The following PTPRN2 variants were observed in gnomAD, a reference collection of about 807,000 sequenced individuals.
The protein encoded by PTPRN2 is receptor-type tyrosine-protein phosphatase N2.
Under a neutral mutation model 118.8 loss-of-function variants are expected in PTPRN2, and 74 were observed. The ratio of observed to expected loss-of-function variants is 0.62; its 90% CI spans 0.52 to 0.76. The LOEUF is 0.76. Among genes scored for constraint, PTPRN2 ranks in the 30% least tolerant of loss-of-function variants. The probability of loss-of-function intolerance (pLI) is 0.00; values close to 1 mark genes in which losing one functional copy is unlikely to be tolerated. For synonymous variants in PTPRN2, 641 were observed against 608.0 expected (o/e 1.05, Z -0.80); for missense variants, 1,481 against 1,394.4 (o/e 1.06, Z -0.99).
chr7:157,904,678 A>C (rs1173310524), intron 11 of PTPRN2, among the ~76,000 whole-genome samples: 1 of 152,212 alleles, frequency 6.6e-6, no homozygotes, highest in Non-Finnish European at 1.5e-5. Flanking sequence ...AGCTGACTTC[A>C]CGCGGCCCTG....
chr7:158,127,110 G>T (rs1301751695), intron 9 of PTPRN2, among the ~76,000 whole-genome samples: 1 of 152,214 alleles, frequency 6.6e-6, no homozygotes, highest in Non-Finnish European at 1.5e-5. Context: ...CATCGGAGAG[G>T]TCAACGCCGC....
chr7:158,450,805 C>A (rs1328965522), intron 2 of PTPRN2, among the ~76,000 whole-genome samples: 1 of 152,252 alleles, frequency 6.6e-6, no homozygotes, highest in African/African-American at 2.4e-5. Flanking sequence ...ATGCCACCTA[C>A]GCGCTTCCTT....
rs1217875911 is a variant in PTPRN2, at chr7:157,656,564, G to T, written c.2002-13C>A. Reference sequence around the variant, plus strand: ...GGCGGCACAGCTCCTGCAGGACAGGGGGAGGAAGAGCAGGGGGTTAGTGGC... The same window carrying T: ...GGCGGCACAGCTCCTGCAGGACAGGTGGAGGAAGAGCAGGGGGTTAGTGGC... On this transcript the variant is annotated splice_polypyrimidine_tract_variant and intron_variant, in intron 13 of 22. Coordinates refer to ENST00000389418, the MANE Select transcript of PTPRN2 (RefSeq NM_002847.5). 5 of 1,527,380 alleles carry T rather than the reference G, an allele frequency of 3.3e-6. No individual in the cohort carries two copies. The highest frequency in any genetic ancestry group is 1.4e-5 in the African/African-American group (1 of 72,918). The allele number at this position is 1,527,380 out of a possible 1,614,324, so 94.6% of individuals were successfully genotyped here.
intron 10 of PTPRN2, among the ~76,000 whole-genome samples, chr7:158,110,450 C>T (rs1172741477): frequency 1.3e-5 from 2 of 152,166 alleles, no homozygotes; most frequent in East Asian, 3.9e-4. Context: ...TTCCTGACAG[C>T]CAGGGACAGG....
At chr7:158,422,683 C>T (rs868623308) in intron 2 of PTPRN2, among the ~76,000 whole-genome samples, 3 of 151,402 alleles carry the variant, frequency 2.0e-5, no homozygotes, top group Admixed American at 6.6e-5. Flanking sequence ...CTGACGCTGC[C>T]GGCTTCTGGG....
intron 2 of PTPRN2, among the ~76,000 whole-genome samples, chr7:158,353,733 C>A (rs1240595919): frequency 1.3e-5 from 2 of 152,192 alleles, no homozygotes; most frequent in Admixed American, 1.3e-4. Flanking sequence ...AGGCCCCTCC[C>A]CATAACCTGC....
chr7:158,199,823 C>G (rs1165097966), intron 4 of PTPRN2, among the ~76,000 whole-genome samples: 3 of 152,130 alleles, frequency 2.0e-5, no homozygotes, highest in Non-Finnish European at 4.4e-5. Flanking sequence ...ACTAGGGGAG[C>G]CTGGTTAGAA....
chr7:157,804,460 T>C (rs1298852919), intron 12 of PTPRN2, among the ~76,000 whole-genome samples: 1 of 152,174 alleles, frequency 6.6e-6, no homozygotes, highest in Non-Finnish European at 1.5e-5. Context: ...GCTTCCATTC[T>C]GTAACCATGC....
intron 6 of PTPRN2, among the ~76,000 whole-genome samples, chr7:158,149,341 A>T (rs563360956): frequency 6.6e-6 from 1 of 152,326 alleles, no homozygotes; most frequent in East Asian, 1.9e-4. Flanking sequence ...ACCCCTGGAA[A>T]TTAACAACTA....
chr7:158,217,149 C>T (rs1828010225), intron 3 of PTPRN2, among the ~76,000 whole-genome samples: 1 of 152,192 alleles, frequency 6.6e-6, no homozygotes, highest in Admixed American at 6.5e-5. Flanking sequence ...CCCCACCCAC[C>T]CTGCCAGGGC....
chr7:158,247,279 G>A (rs1037229527), intron 3 of PTPRN2, among the ~76,000 whole-genome samples: 8 of 152,234 alleles, frequency 5.3e-5, no homozygotes, highest in South Asian at 4.1e-4. Flanking sequence ...GGGGGCAGGC[G>A]CCAGGATCTG....
At chr7:158,183,508 G>A (rs183740504) in intron 5 of PTPRN2, among the ~76,000 whole-genome samples, 14 of 152,294 alleles carry the variant, frequency 9.2e-5, no homozygotes, top group Non-Finnish European at 5.9e-5. Context: ...CTCTCAACCC[G>A]TGGCCACTGA....
intron 1 of PTPRN2, chr7:158,539,591 C>A (rs898293814): frequency 3.0e-5 from 6 of 199,332 alleles, no homozygotes; most frequent in South Asian, 2.3e-4. Context: ...AGAGCAGGCA[C>A]TTCTAAAGGG....
intron 12 of PTPRN2, among the ~76,000 whole-genome samples, chr7:157,687,737 A>G (rs1563345972): frequency 6.6e-6 from 1 of 152,218 alleles, no homozygotes; most frequent in Non-Finnish European, 1.5e-5. Context: ...CATTACTAAA[A>G]TATAATACTC....
At chr7:157,745,421 C>T (rs111679075) in intron 12 of PTPRN2, among the ~76,000 whole-genome samples, 16 of 151,652 alleles carry the variant, frequency 1.1e-4, no homozygotes, top group East Asian at 5.8e-4. Flanking sequence ...GGACAGGCTG[C>T]GGGAGGCAGG....
chr7:158,247,656 G>A (rs1050624617), intron 3 of PTPRN2, among the ~76,000 whole-genome samples: 3 of 152,124 alleles, frequency 2.0e-5, no homozygotes, highest in Non-Finnish European at 4.4e-5. Flanking sequence ...CATTCTTGTG[G>A]CCCAGGCTGG....
chr7:157,772,290 A>AACACACAGACATACACACAAAGACAT (rs150741232), intron 12 of PTPRN2, among the ~76,000 whole-genome samples: 30,297 of 121,368 alleles, frequency 0.25, 4,825 homozygotes, highest in African/African-American at 0.51. Context: ...CAGACACACA[A>AACACACAGACATACACACAAAGACAT]ACACACAGAC....
At chr7:157,844,272 C>T (rs1808642957) in intron 12 of PTPRN2, among the ~76,000 whole-genome samples, 1 of 152,236 alleles carries the variant, frequency 6.6e-6, no homozygotes, top group South Asian at 2.1e-4. Context: ...GACGGCCACA[C>T]ACTCTCTGAA....
At chr7:158,433,145 T>C (rs954611346) in intron 2 of PTPRN2, among the ~76,000 whole-genome samples, 3 of 152,272 alleles carry the variant, frequency 2.0e-5, no homozygotes, top group African/African-American at 7.2e-5. Context: ...TTTATTGCTC[T>C]GTAGTATTTA....
Sources: gnomAD v4.1 joint callset for allele counts (sites outside exome capture counted in the v4.1 genomes callset) on GRCh38, gnomAD v4.1.1 for gene constraint, MANE v1.5 for transcripts, NCBI Gene and HGNC (gene_info 2026-07-23, HGNC 2026-07-21) for gene names.